TRPM4: variants seen among roughly 807,000 people sequenced by gnomAD.
The protein encoded by TRPM4 is transient receptor potential cation channel subfamily M member 4, also known as calcium-activated non-selective cation channel 1.
A neutral mutation model predicts 135.6 loss-of-function variants in TRPM4; 124 were observed. That is an observed-to-expected ratio of 0.91 (90% confidence interval 0.79 to 1.06). The LOEUF is 1.06. Ranked by LOEUF, TRPM4 falls within the 50% of genes least tolerant of loss-of-function variation. The probability of loss-of-function intolerance (pLI) is 0.00; values close to 1 mark genes in which losing one functional copy is unlikely to be tolerated. For missense variants in TRPM4, 1,658 were observed against 1,671.4 expected (o/e 0.99, Z 0.14); for synonymous variants, 745 against 705.6 (o/e 1.06, Z -0.88).
At chr19:49,195,965 T>C (rs1211714300) in intron 16 of TRPM4, among the ~76,000 whole-genome samples, 1 of 151,718 alleles carries the variant, frequency 6.6e-6, no homozygotes, top group Non-Finnish European at 1.5e-5. Flanking sequence ...TTCAAGCGAT[T>C]CTCCCGCCTC....
intron 17 of TRPM4, among the ~76,000 whole-genome samples, chr19:49,198,237 T>C (rs943172042): frequency 1.6e-4 from 24 of 152,234 alleles, no homozygotes; most frequent in Admixed American, 1.6e-3. Context: ...AAAGTGACTT[T>C]TGAGATGAAA....
intron 2 of TRPM4, among the ~76,000 whole-genome samples, chr19:49,161,434 C>T (rs1432953984): frequency 6.7e-6 from 1 of 150,300 alleles, no homozygotes; most frequent in Non-Finnish European, 1.5e-5. Context: ...GCGATCCTCC[C>T]ACATGAGCCT....
At chr19:49,175,271 C>T (rs1434445920) in intron 9 of TRPM4, among the ~76,000 whole-genome samples, 1 of 152,012 alleles carries the variant, frequency 6.6e-6, no homozygotes, top group Non-Finnish European at 1.5e-5. Context: ...GATGGGGTTT[C>T]TCCATATTGG....
In TRPM4 at chr19:49,157,842, A is replaced by C. The variant is rs1005815380; in HGVS notation, c.-25A>C. On this transcript the variant is annotated 5_prime_UTR_variant, in exon 1 of 25. Transcript: ENST00000252826. Reference sequence around the variant, plus strand: ...AGGGAGCGCCGGGGCCCTGGGCTGCAGGAGGTTGCGGCGGCCGCGGCAGCA... The same window carrying C: ...AGGGAGCGCCGGGGCCCTGGGCTGCCGGAGGTTGCGGCGGCCGCGGCAGCA... 78 of 1,534,414 alleles carry C rather than the reference A, an allele frequency of 5.1e-5. No individual in the cohort carries two copies. Among genetic ancestry groups the C allele is most frequent in the Non-Finnish European group, 6.4e-5 (73 of 1,146,176 alleles).
rs577885832 is a variant in TRPM4, at chr19:49,172,127, A to G, written c.1150+19A>G. The G allele has an allele frequency of 1.3e-6, 2 of 1,578,928 alleles. No homozygotes were observed. The highest frequency in any genetic ancestry group is 1.7e-6 in the Non-Finnish European group (2 of 1,148,116). ...GTGAAGGGTAAAAGTTGTACCCTCC[A>G]GTCTTCCCCCTCTCTCAGTTCAACC... On this transcript the variant is annotated intron_variant, in intron 9 of 24. Coordinates refer to ENST00000252826, the MANE Select transcript of TRPM4 (RefSeq NM_017636.4).
Position 49,190,251 on chromosome 19 carries a change from C to T in TRPM4, c.2063C>T (p.Thr688Ile), listed in dbSNP as rs766676324. The T allele has an allele frequency of 1.9e-6, 3 of 1,614,216 alleles. No homozygotes were observed. Among genetic ancestry groups the T allele is most frequent in the East Asian group, 2.2e-5 (1 of 44,884 alleles). ...QKWWGDMAST[T>I]PIWALVLAFF... ...TGGTGGGGAGATATGGCCAGCACTACACCCATCTGGGCCCTGGTTCTCGCC... is the reference window on the plus strand; with the variant it reads ...TGGTGGGGAGATATGGCCAGCACTATACCCATCTGGGCCCTGGTTCTCGCC... The change falls in exon 15 of 25, where the codon ACA (threonine) becomes ATA (isoleucine). Residue 688 changes from threonine (T) to isoleucine (I), a missense_variant. Physicochemically the swap from Thr to Ile is moderately conservative, Grantham distance 89. Coordinates refer to ENST00000252826, the MANE Select transcript of TRPM4 (RefSeq NM_017636.4).
intron 20 of TRPM4, among the ~76,000 whole-genome samples, chr19:49,203,401 G>C (rs562367113): frequency 9.1e-4 from 135 of 147,834 alleles, no homozygotes; most frequent in African/African-American, 3.1e-3. Context: ...GGATGGTTTC[G>C]ATCTCCTGAC....
intron 16 of TRPM4, 35 bp from the exon 17 acceptor site, chr19:49,196,401 AGAGT>A: frequency 6.7e-7 from 1 of 1,491,186 alleles, no homozygotes. Flanking sequence ...CTCAGAGGTC[AGAGT>A]GAGGCCTCCT....
chr19:49,166,019 C>T lies in TRPM4; in HGVS notation c.93-22C>T, dbSNP rs765942957. 8.3e-6 allele frequency: 13 copies of T among 1,571,756 alleles called. No individual in the cohort carries two copies. The African/African-American group carries it at 1.1e-4, about 13-fold the overall frequency. ...GGGTCGGGGGGCAGCCCTGGGTTCA[C>T]GCTCCGCCCTCGCACCCCCAGAGGG... On this transcript the variant is annotated intron_variant, in intron 2 of 24. Coordinates refer to ENST00000252826, the MANE Select transcript of TRPM4 (RefSeq NM_017636.4).
intron 2 of TRPM4, among the ~76,000 whole-genome samples, chr19:49,162,232 A>G (rs1246209075): frequency 6.6e-6 from 1 of 152,110 alleles, no homozygotes. Context: ...CAGGAAATTG[A>G]TGATTTTTAT....
Position 49,196,584 on chromosome 19 carries a change from C to T in TRPM4, c.2355C>T (p.Gly785=). 6.4e-7 allele frequency: 1 copy of T among 1,557,132 alleles called. No homozygotes were observed. Among genetic ancestry groups the T allele is most frequent in the East Asian group, 2.4e-5 (1 of 42,074 alleles). The change falls in exon 17 of 25, where the codon GGC becomes GGT. Residue 785 remains glycine (G), a synonymous_variant. Coordinates refer to ENST00000252826, the MANE Select transcript of TRPM4 (RefSeq NM_017636.4). ...GCGCGCCGGTGACCATCTTCATGGG[C>T]AACGTGGTCAGCTACCTGCTGTTCC... ...FWGAPVTIFM[G]NVVSYLLFLL...
At position 49,211,162 on chromosome 19, in the gene TRPM4, A is replaced by T; in HGVS notation, c.3535-2A>T. 1 of 1,607,128 alleles carries T rather than the reference A, an allele frequency of 6.2e-7. No individual in the cohort carries two copies. The highest frequency in any genetic ancestry group is 8.5e-7 in the Non-Finnish European group (1 of 1,177,344). ...CGCTCTGACATTCCTCCCATTCCGC[A>T]GGTCCAGCAGTGTAGCCGCGTCCTG... On this transcript the variant is annotated splice_acceptor_variant, in intron 23 of 24. Coordinates refer to ENST00000252826, the MANE Select transcript of TRPM4 (RefSeq NM_017636.4). LOFTEE classifies it high-confidence loss of function. The surrounding 1 kb of genome is among the most constrained non-coding windows in gnomAD (Gnocchi z 4.8).
In TRPM4 at chr19:49,210,541, CGGA is replaced by C; in HGVS notation, c.3328+138_3328+140del. On this transcript the variant is annotated intron_variant, in intron 21 of 24. Coordinates refer to ENST00000252826, the MANE Select transcript of TRPM4 (RefSeq NM_017636.4). The surrounding 1 kb of genome is among the most constrained non-coding windows in gnomAD (Gnocchi z 4.1). ...GGGGCGGGGTTTAAGCAACAAGGGG[CGGA>C]GCTTAAGCACTGAGGGGCAGTGCTT... The C allele has an allele frequency of 1.4e-6, 2 of 1,411,340 alleles. No individual in the cohort carries two copies. The highest frequency in any genetic ancestry group is 2.0e-6 in the Non-Finnish European group (2 of 1,021,332). 87.4% of individuals were successfully genotyped at this position (1,411,340 alleles called of 1,614,324 possible).
chr19:49,178,537 A>G (rs1967788458), intron 9 of TRPM4, among the ~76,000 whole-genome samples: 2 of 151,860 alleles, frequency 1.3e-5, no homozygotes, highest in African/African-American at 4.8e-5. Context: ...AGGAAGGGAC[A>G]AGGACAGTAC....
At position 49,168,079 on chromosome 19, in the gene TRPM4, C is replaced by T. The variant is rs376262811; in HGVS notation, c.430C>T (p.Arg144Trp). ...LQDLLRRGLVRAAQSTGAWIV... is the reference protein window; with the variant it reads ...LQDLLRRGLVWAAQSTGAWIV... ...GGACCTGCTGCGTCGTGGGCTGGTGCGGGCTGCCCAGAGCACAGGTGACCG... is the reference window on the plus strand; with the variant it reads ...GGACCTGCTGCGTCGTGGGCTGGTGTGGGCTGCCCAGAGCACAGGTGACCG... Residue 144 changes from arginine to tryptophan, a missense_variant, in exon 4 of 25, where the codon CGG becomes TGG. Physicochemically the swap from Arg to Trp is moderately radical, Grantham distance 101 (BLOSUM62 -3). Transcript: ENST00000252826. 26 of 1,606,292 alleles carry T rather than the reference C, an allele frequency of 1.6e-5. No individual in the cohort carries two copies. Among genetic ancestry groups the T allele is most frequent in the African/African-American group, 6.7e-5 (5 of 74,860 alleles).
chr19:49,176,239 G>A (rs969357690), intron 9 of TRPM4, among the ~76,000 whole-genome samples: 2 of 151,256 alleles, frequency 1.3e-5, no homozygotes, highest in African/African-American at 4.9e-5. Context: ...TCATTTTTAG[G>A]TATTTTTTGA....
At chr19:49,206,613 A>G (rs1045397071) in intron 20 of TRPM4, among the ~76,000 whole-genome samples, 2 of 151,114 alleles carry the variant, frequency 1.3e-5, no homozygotes, top group Non-Finnish European at 2.9e-5. Flanking sequence ...CTAATTTTGT[A>G]TTTTTAGTAG....
chr19:49,188,958 AG>A lies in TRPM4; in HGVS notation c.1887del (p.Glu629AspfsTer8). On this transcript the variant is annotated frameshift_variant, in exon 14 of 25. Transcript: ENST00000252826. LOFTEE classifies it high-confidence loss of function. ...TCCTCTGCCCCAGACCTCTTTGGCG[AG>A]TGCTATCGCAGCAGTGAGGTGAGGG... ...FEGMGVDLFG[E>X]CYRSSEVRAA... 6.2e-7 allele frequency: 1 copy of A among 1,614,136 alleles called. No individual in the cohort carries two copies. The highest frequency in any genetic ancestry group is 1.3e-5 in the African/African-American group (1 of 75,046).
intron 20 of TRPM4, among the ~76,000 whole-genome samples, chr19:49,207,188 G>A (rs2145987976): frequency 6.6e-6 from 1 of 152,258 alleles, no homozygotes; most frequent in East Asian, 1.9e-4. Context: ...ATGTGGAATA[G>A]CAGTGGTAAA....
Sources: allele counts gnomAD v4.1 joint callset (sites outside exome capture counted in the v4.1 genomes callset), GRCh38; gene constraint gnomAD v4.1.1; non-coding constraint Gnocchi (gnomAD v3.1); transcripts MANE v1.5; gene names NCBI Gene and HGNC (gene_info 2026-07-23, HGNC 2026-07-21).